KDM4C: variants seen among roughly 807,000 people sequenced by gnomAD.
KDM4C encodes lysine demethylase 4C, also known as lysine-specific demethylase 4C.
KDM4C carries 81 observed loss-of-function variants against 129.3 expected under a neutral mutation model. The ratio of observed to expected loss-of-function variants is 0.63; its 90% CI spans 0.52 to 0.75. KDM4C has a LOEUF of 0.75. KDM4C is among the 30% of genes least tolerant of loss of function. The pLI is 0.00. For synonymous variants in KDM4C, 573 were observed against 456.1 expected (o/e 1.26, Z -3.26); for missense variants, 1,457 against 1,304.0 (o/e 1.12, Z -1.81).
intron 17 of KDM4C, among the ~76,000 whole-genome samples, chr9:7,096,944 C>T (rs1291746083): frequency 6.6e-6 from 1 of 152,148 alleles, no homozygotes; most frequent in Non-Finnish European, 1.5e-5. Context: ...GAGTACAGTC[C>T]AAGGCCTTTC....
chr9:6,918,255 A>G (rs1429852565), intron 8 of KDM4C, among the ~76,000 whole-genome samples: 2 of 152,184 alleles, frequency 1.3e-5, no homozygotes. Context: ...TTCTACTTAC[A>G]AGTGAGAACA....
intron 8 of KDM4C, among the ~76,000 whole-genome samples, chr9:6,899,030 T>C (rs1213480225): frequency 6.6e-6 from 1 of 152,088 alleles, no homozygotes; most frequent in Non-Finnish European, 1.5e-5. Context: ...AATATGAACT[T>C]AGTGAGTATG....
chr9:6,860,661 A>G (rs1468991915), intron 5 of KDM4C, among the ~76,000 whole-genome samples: 1 of 152,234 alleles, frequency 6.6e-6, no homozygotes, highest in East Asian at 1.9e-4. Context: ...GAGAAGAGAC[A>G]TAGAGTCTGA....
At position 6,805,608 on chromosome 9, in the gene KDM4C, C is replaced by T; in HGVS notation, c.154C>T (p.Pro52Ser). 1 of 1,607,038 alleles carries T rather than the reference C, an allele frequency of 6.2e-7. No homozygotes were observed. Among genetic ancestry groups the T allele is most frequent in the Non-Finnish European group, 8.5e-7 (1 of 1,177,684 alleles). Reference sequence around the variant, plus strand: ...ATTATTTTATTTTTAGGTGATTCCTCCTAAGGAGTGGAAGCCAAGACAGTG... The same window carrying T: ...ATTATTTTATTTTTAGGTGATTCCTTCTAAGGAGTGGAAGCCAAGACAGTG... ...HRAGLAKVIPPKEWKPRQCYD... is the reference protein window; with the variant it reads ...HRAGLAKVIPSKEWKPRQCYD... The change falls in exon 3 of 22, where the codon CCT becomes TCT. Residue 52 changes from proline (P) to serine (S), a missense_variant. Coordinates refer to ENST00000381309, the MANE Select transcript of KDM4C (RefSeq NM_015061.6).
chr9:6,976,663 A>G (rs1332554560), intron 8 of KDM4C, among the ~76,000 whole-genome samples: 1 of 152,228 alleles, frequency 6.6e-6, no homozygotes, highest in Non-Finnish European at 1.5e-5. Flanking sequence ...TTGTGCCTCA[A>G]AGATAATTAG....
At chr9:6,978,352 T>A (rs118052164) in intron 8 of KDM4C, among the ~76,000 whole-genome samples, 2,075 of 146,384 alleles carry the variant, frequency 0.014, 23 homozygotes, top group South Asian at 0.032. Flanking sequence ...AGGTGTAATC[T>A]TTTTATATTA....
intron 9 of KDM4C, among the ~76,000 whole-genome samples, chr9:6,983,454 A>G (rs1367848674): frequency 6.6e-6 from 1 of 152,160 alleles, no homozygotes; most frequent in Non-Finnish European, 1.5e-5. Flanking sequence ...ACATAAAATT[A>G]GGCTGAATGT....
At chr9:7,160,380 A>G (rs1843656991) in intron 19 of KDM4C, among the ~76,000 whole-genome samples, 1 of 152,170 alleles carries the variant, frequency 6.6e-6, no homozygotes. Flanking sequence ...GTTGCTGGCG[A>G]GGAGCTGTGA....
At chr9:6,942,128 T>C (rs1826060089) in intron 8 of KDM4C, among the ~76,000 whole-genome samples, 1 of 152,202 alleles carries the variant, frequency 6.6e-6, no homozygotes. Flanking sequence ...TTGACCGCAT[T>C]GTGTTTGGGT....
intron 8 of KDM4C, among the ~76,000 whole-genome samples, chr9:6,953,847 T>C (rs1394768659): frequency 6.6e-6 from 1 of 152,240 alleles, no homozygotes; most frequent in Non-Finnish European, 1.5e-5. Context: ...TGCCTCATCA[T>C]CATTACATAT....
chr9:6,870,207 T>C (rs1268622151), intron 5 of KDM4C, among the ~76,000 whole-genome samples: 3 of 152,156 alleles, frequency 2.0e-5, no homozygotes, highest in African/African-American at 7.2e-5. Context: ...GGTTTGCTGG[T>C]CTTGTTCTTT....
chr9:6,762,235 C>G (rs745617745), intron 1 of KDM4C, among the ~76,000 whole-genome samples: 3 of 152,146 alleles, frequency 2.0e-5, no homozygotes, highest in Non-Finnish European at 2.9e-5. Context: ...TCTCCTAACA[C>G]TATCCCTCCC....
intron 5 of KDM4C, among the ~76,000 whole-genome samples, chr9:6,851,933 GTTA>G (rs1263497287): frequency 1.3e-5 from 2 of 152,166 alleles, no homozygotes. Context: ...TACTCTATTA[GTTA>G]TTAAGTATAC....
intron 12 of KDM4C, among the ~76,000 whole-genome samples, chr9:6,995,350 C>T (rs1407323772): frequency 6.6e-6 from 1 of 151,842 alleles, no homozygotes; most frequent in Non-Finnish European, 1.5e-5. Context: ...CACACAGGCA[C>T]AGACACACAC....
chr9:7,133,346 A>G (rs1536785), intron 19 of KDM4C, among the ~76,000 whole-genome samples: 117,916 of 152,148 alleles, frequency 0.78, 46,031 homozygotes, highest in East Asian at 0.83. Flanking sequence ...TACTTGTGAG[A>G]TTTTGCTGGG....
chr9:6,938,500 G>C (rs1255901676), intron 8 of KDM4C, among the ~76,000 whole-genome samples: 2 of 152,196 alleles, frequency 1.3e-5, no homozygotes, highest in Non-Finnish European at 2.9e-5. Context: ...ACCGTATGAA[G>C]CTGTTTTTGG....
Position 6,872,188 on chromosome 9 carries a change from G to C in KDM4C, c.630-7824G>C, listed in dbSNP as rs893032710. On this transcript the variant is annotated intron_variant, in intron 5 of 21. Transcript: ENST00000381309. ...GAGGTCTTGAAAGCCAGGCAGTGAG[G>C]TATGAAGGTTTTTAAACTGTAATAG... is the stretch of plus-strand genomic sequence containing the variant. 2.0e-5 allele frequency among the ~76,000 whole-genome samples: 3 copies of C among 152,170 alleles called. No homozygotes were observed. The East Asian group carries it at 5.8e-4, about 29-fold the overall frequency.
At chr9:6,785,015 C>T (rs906578441) in intron 1 of KDM4C, among the ~76,000 whole-genome samples, 3 of 152,184 alleles carry the variant, frequency 2.0e-5, no homozygotes, top group Non-Finnish European at 4.4e-5. Flanking sequence ...GAACGTGGTC[C>T]TCTTCTCCTT....
rs113364887 is a variant in KDM4C at position 6,959,939 on chromosome 9, A to G, written c.922-20986A>G. 4.2e-3 allele frequency among the ~76,000 whole-genome samples: 76 copies of G among 18,308 alleles called. 1 individual carries two copies. Among genetic ancestry groups the G allele is most frequent in the Non-Finnish European group, 8.3e-3 (61 of 7,364 alleles). 12.0% of individuals were successfully genotyped at this position (18,308 alleles called of 152,430 possible). Reference sequence around the variant, plus strand: ...CAACAGCTGTGGTATAAAATACTGTAGGGGCCTCTGCTGCCATACTAACAA... The same window carrying G: ...CAACAGCTGTGGTATAAAATACTGTGGGGGCCTCTGCTGCCATACTAACAA... On this transcript the variant is annotated intron_variant, in intron 8 of 21. Transcript: ENST00000381309.
Sources: gnomAD v4.1 joint callset for allele counts (sites outside exome capture counted in the v4.1 genomes callset) on GRCh38, gnomAD v4.1.1 for gene constraint, MANE v1.5 for transcripts, NCBI Gene and HGNC (gene_info 2026-07-23, HGNC 2026-07-21) for gene names.